Variants in SLFN12L observed in about 807,000 individuals in gnomAD.
The protein encoded by SLFN12L is schlafen family member 12-like.
SLFN12L carries 34 observed loss-of-function variants against 34.8 expected under a neutral mutation model. The ratio of observed to expected loss-of-function variants is 0.98; its 90% CI spans 0.74 to 1.30. The LOEUF (loss-of-function observed/expected upper bound fraction) is 1.30. Ranked by LOEUF, SLFN12L falls within the 50% of genes most tolerant of loss-of-function variation. The pLI, the probability that SLFN12L is intolerant of heterozygous loss-of-function variation, is 0.00. For missense variants in SLFN12L, 703 were observed against 696.2 expected (o/e 1.01, Z -0.11); for synonymous variants, 259 against 247.5 (o/e 1.05, Z -0.44).
At chr17:35,527,168 C>T (rs146327583) in intron 1 of SLFN12L, among the ~76,000 whole-genome samples, 14 of 152,052 alleles carry the variant, frequency 9.2e-5, no homozygotes, top group African/African-American at 3.4e-4. Context: ...AGGAAGAAGT[C>T]GAATCCCTGA....
Position 35,468,664 on chromosome 17 carries a change from C to A in SLFN12L, c.*6259G>T, listed in dbSNP as rs557501959. On this transcript the variant is annotated 3_prime_UTR_variant, in exon 5 of 5. Coordinates refer to ENST00000628453, the MANE Select transcript of SLFN12L (RefSeq NM_001363830.2). The stretch of plus-strand genomic sequence containing the variant: ...TCCTTGCTCTCTGCCAAAACATACA[C>A]CCCGCACTCCTATGCCTGAAGGAAA... Among the ~76,000 whole-genome samples, 6 of 152,276 alleles carry A rather than the reference C, an allele frequency of 3.9e-5. No homozygotes were observed. Among genetic ancestry groups the A allele is most frequent in the African/African-American group, 1.2e-4 (5 of 41,536 alleles).
chr17:35,531,792 A>T (rs2032162322), intron 1 of SLFN12L, among the ~76,000 whole-genome samples: 1 of 151,192 alleles, frequency 6.6e-6, no homozygotes, highest in Non-Finnish European at 1.5e-5. Context: ...AACTTTTTAA[A>T]TTTTTTTTAT....
intron 2 of SLFN12L, 152 bp from the exon 3 acceptor site, chr17:35,480,347 G>T: frequency 3.6e-6 from 2 of 554,166 alleles, no homozygotes; most frequent in Non-Finnish European, 5.9e-6. Context: ...CAAATTTTGA[G>T]CTAAGGCTGT....
intron 2 of SLFN12L, among the ~76,000 whole-genome samples, chr17:35,486,447 C>A (rs1914584281): frequency 6.6e-6 from 1 of 152,178 alleles, no homozygotes; most frequent in African/African-American, 2.4e-5. Flanking sequence ...ATGGGAGCTG[C>A]AGTTGAGCCA....
intron 1 of SLFN12L, among the ~76,000 whole-genome samples, chr17:35,530,417 GGAAGGAAGGAAGGGAAGGGAAGGGAAGA>G (rs2072384947): frequency 7.7e-5 from 1 of 12,936 alleles, no homozygotes; most frequent in African/African-American, 2.1e-4. Flanking sequence ...AAGGAAGGAA[GGAAGGAAGGAAGGGAAGGGAAGGGAAGA>G]AAGAAAGAAA....
intron 2 of SLFN12L, among the ~76,000 whole-genome samples, chr17:35,502,002 A>T (rs1022602536): frequency 6.6e-6 from 1 of 152,082 alleles, no homozygotes; most frequent in African/African-American, 2.4e-5. Context: ...GAAGAGAGAG[A>T]GAGAAAGAGA....
chr17:35,479,441 C>G lies in SLFN12L; in HGVS notation c.841G>C (p.Val281Leu), dbSNP rs1464374674. 9 of 1,614,120 alleles carry G rather than the reference C, an allele frequency of 5.6e-6. No homozygotes were observed. The highest frequency in any genetic ancestry group is 7.6e-6 in the Non-Finnish European group (9 of 1,179,998). ...FANTDGGYLF[V>L]GLNEDKEVIG... The stretch of plus-strand genomic sequence containing the variant: ...ACTTCTTTATCTTCATTTAGACCAA[C>G]GAATAAATATCCTCCATCAGTATTT... The change falls in exon 3 of 5, where the codon GTT (valine) becomes CTT (leucine). Residue 281 changes from valine to leucine, a missense_variant. Physicochemically the swap from Val to Leu is conservative, Grantham distance 32. Transcript: ENST00000628453.
In SLFN12L at chr17:35,478,058, A is replaced by G. The variant is rs1327300640; in HGVS notation, c.1276+17T>C. ...ACAGTTACACCAACAACTCCACGGA[A>G]GCCAGAATTAAATTACCTGGAAGGT... is the stretch of plus-strand genomic sequence containing the variant. On this transcript the variant is annotated intron_variant, in intron 4 of 4. Transcript: ENST00000628453. The G allele has an allele frequency of 6.8e-7, 1 of 1,477,312 alleles. No homozygotes were observed. The highest frequency in any genetic ancestry group is 9.2e-7 in the Non-Finnish European group (1 of 1,082,256). The allele number at this position is 1,477,312 out of a possible 1,614,324, so 91.5% of individuals were successfully genotyped here. A position where few individuals can be genotyped will look rare whatever the true frequency, so the allele number is the denominator to read the frequency against.
At chr17:35,525,185 G>T (rs2072321842) in intron 1 of SLFN12L, among the ~76,000 whole-genome samples, 2 of 152,028 alleles carry the variant, frequency 1.3e-5, no homozygotes, top group African/African-American at 4.8e-5. Flanking sequence ...AATGAACAAA[G>T]CCTCCAAGAA....
chr17:35,496,797 C>G (rs1915100069), intron 2 of SLFN12L, among the ~76,000 whole-genome samples: 1 of 152,214 alleles, frequency 6.6e-6, no homozygotes, highest in Non-Finnish European at 1.5e-5. Context: ...AGACCCTCAG[C>G]TCTCCAGTGA....
At position 35,479,421 on chromosome 17, in the gene SLFN12L, T is replaced by G. The variant is rs753258835; in HGVS notation, c.861A>C (p.Lys287Asn). The change falls in exon 3 of 5, where the codon AAA (lysine) becomes AAC (asparagine). Residue 287 changes from lysine to asparagine, a missense_variant. Coordinates refer to ENST00000628453, the MANE Select transcript of SLFN12L (RefSeq NM_001363830.2). ...TCTCTGCTTTAAAGCCAATTACTTCTTTATCTTCATTTAGACCAACGAATA... is the reference window on the plus strand; with the variant it reads ...TCTCTGCTTTAAAGCCAATTACTTCGTTATCTTCATTTAGACCAACGAATA... ...GYLFVGLNED[K>N]EVIGFKAEKS... The G allele has an allele frequency of 2.5e-6, 4 of 1,613,998 alleles. No individual in the cohort carries two copies. In the Admixed American group the frequency reaches 6.7e-5, roughly 27 times the overall value.
chr17:35,480,404 T>C, intron 2 of SLFN12L: 1 of 448,454 alleles, frequency 2.2e-6, no homozygotes, highest in South Asian at 6.2e-5. Flanking sequence ...ACAACTGTTT[T>C]ATACGATCTT....
At chr17:35,480,896 T>C (rs1020513027) in intron 2 of SLFN12L, among the ~76,000 whole-genome samples, 12 of 152,024 alleles carry the variant, frequency 7.9e-5, no homozygotes, top group African/African-American at 2.9e-4. Flanking sequence ...AGAAAATATA[T>C]AGAATAAGAA....
At chr17:35,498,429 G>A (rs1212176392) in intron 2 of SLFN12L, 10 of 1,300,304 alleles carry the variant, frequency 7.7e-6, no homozygotes, top group South Asian at 1.2e-5. Context: ...GCAATATGAA[G>A]TACAGTTTGG....
intron 2 of SLFN12L, among the ~76,000 whole-genome samples, chr17:35,484,219 T>C (rs1914485158): frequency 6.6e-6 from 1 of 152,160 alleles, no homozygotes; most frequent in South Asian, 2.1e-4. Context: ...AGAACTCCCA[T>C]ATTTGTCCTT....
At chr17:35,532,168 G>A (rs982849878) in intron 1 of SLFN12L, among the ~76,000 whole-genome samples, 29 of 152,262 alleles carry the variant, frequency 1.9e-4, no homozygotes, top group Admixed American at 7.2e-4. Flanking sequence ...GGCACAGGCC[G>A]CGCACAGTGG....
rs1916038292 is a variant in SLFN12L at position 35,522,804 on chromosome 17, G to A, written c.-440C>T. 3 of 1,493,676 alleles carry A rather than the reference G, an allele frequency of 2.0e-6. No individual in the cohort carries two copies. Among genetic ancestry groups the A allele is most frequent in the Non-Finnish European group, 9.3e-7 (1 of 1,079,790 alleles). The allele number at this position is 1,493,676 out of a possible 1,614,324, so 92.5% of individuals were successfully genotyped here. ...CAGCAGAGCATCACAGATGACTCCT[G>A]GCTTCTCCTGCAAATTCAGGTCCAC... On this transcript the variant is annotated 5_prime_UTR_variant, in exon 2 of 5. Transcript: ENST00000628453.
chr17:35,515,530 G>A (rs1010328250), intron 2 of SLFN12L, among the ~76,000 whole-genome samples: 2 of 151,710 alleles, frequency 1.3e-5, no homozygotes, highest in South Asian at 2.1e-4. Flanking sequence ...GTGCAGTGGC[G>A]TGATCTCAAC....
intron 2 of SLFN12L, among the ~76,000 whole-genome samples, chr17:35,510,742 A>C (rs1483594986): frequency 6.6e-6 from 1 of 152,040 alleles, no homozygotes; most frequent in Non-Finnish European, 1.5e-5. Flanking sequence ...ATTATATCTC[A>C]GTTTTAAAAA....
Sources: gnomAD v4.1 joint callset for allele counts (sites outside exome capture counted in the v4.1 genomes callset) on GRCh38, gnomAD v4.1.1 for gene constraint, MANE v1.5 for transcripts, NCBI Gene and HGNC (gene_info 2026-07-23, HGNC 2026-07-21) for gene names.